The following TTI2 variants were observed in gnomAD, a reference collection of about 807,000 sequenced individuals.
TTI2 encodes TELO2-interacting protein 2.
In TTI2, 26 loss-of-function variants were observed where a neutral mutation model predicts 44.9. The ratio of observed to expected loss-of-function variants is 0.58; its 90% CI spans 0.42 to 0.80. The LOEUF (loss-of-function observed/expected upper bound fraction) is 0.80, where lower values mean the gene tolerates loss of function less well. Among genes scored for constraint, TTI2 ranks in the 30% least tolerant of loss-of-function variants. TTI2 has a pLI of 0.00. For synonymous variants in TTI2, 254 were observed against 250.9 expected, an observed-to-expected ratio of 1.01 and a Z score of -0.12; for missense variants, 582 against 611.6, an observed-to-expected ratio of 0.95 and a Z score of 0.51.
Position 33,504,289 on chromosome 8 carries a change from ATTTTTT to A in TTI2, c.928-360_928-355del, listed in dbSNP as rs1169577360. Among the ~76,000 whole-genome samples the A allele has an allele frequency of 2.1e-3, 152 of 72,996 alleles. 1 individual carries two copies. The highest frequency in any genetic ancestry group is 0.017 in the Middle Eastern group (1 of 60). The allele number at this position is 72,996 out of a possible 152,430, so 47.9% of individuals were successfully genotyped here. A position where few individuals can be genotyped will look rare whatever the true frequency, so the allele number is the denominator to read the frequency against. On this transcript the variant is annotated intron_variant, in intron 4 of 7. Transcript: ENST00000431156. ...ACTTAGTGATACATGATATTTACACATTTTTTTTTTTTTTTTTTTTTTTTTGTGAGA... is the reference window on the plus strand; with the variant it reads ...ACTTAGTGATACATGATATTTACACATTTTTTTTTTTTTTTTTTTGTGAGA...
At chr8:33,507,438 T>C (rs1034740103) in intron 3 of TTI2, 117 bp from the exon 4 acceptor site, 1 of 837,252 alleles carries the variant, frequency 1.2e-6, no homozygotes, top group African/African-American at 1.7e-5. Flanking sequence ...TCCCAAAATA[T>C]GCATGATTGT....
chr8:33,500,156 A>G, intron 7 of TTI2, 172 bp downstream of exon 7: 1 of 677,938 alleles, frequency 1.5e-6, no homozygotes, highest in East Asian at 2.8e-5. Flanking sequence ...TAAAAGATGA[A>G]TAAGAAAAAA....
Position 33,511,976 on chromosome 8 carries a change from T to C in TTI2, c.638A>G (p.Asp213Gly), listed in dbSNP as rs138419634. The C allele has an allele frequency of 1.1e-4, 176 of 1,614,220 alleles. No homozygotes were observed. In the Middle Eastern group the frequency reaches 2.0e-3, roughly 18 times the overall value. The change falls in exon 2 of 8, where the codon GAC becomes GGC. Residue 213 changes from aspartate to glycine, a missense_variant. Transcript: ENST00000431156. ...LSVILGLLKP[D>G]LYKESWKNNP... The stretch of plus-strand genomic sequence containing the variant: ...GGGCAGGAGTACTCACTTATACAAG[T>C]CGGGTTTGAGAAGCCCTAGTATCAC...
chr8:33,503,799 C>A lies in TTI2; in HGVS notation c.1064G>T (p.Arg355Leu). ...TGCGTAGGTCCTGCGTAAAAGAAGGCGGTGCTCTGGCTCCATGTGGGTCAG... is the reference window on the plus strand; with the variant it reads ...TGCGTAGGTCCTGCGTAAAAGAAGGAGGTGCTCTGGCTCCATGTGGGTCAG... The part of the protein sequence containing the change: ...LILTHMEPEH[R>L]LLLRRTYARN... The change falls in exon 5 of 8, where the codon CGC (arginine) becomes CTC (leucine). Residue 355 changes from arginine (R) to leucine (L), a missense_variant. Physicochemically the swap from Arg to Leu is moderately radical, Grantham distance 102 (BLOSUM62 -2). Coordinates refer to ENST00000431156, the MANE Select transcript of TTI2 (RefSeq NM_001102401.4). 1 of 1,614,018 alleles carries A rather than the reference C, an allele frequency of 6.2e-7. No individual in the cohort carries two copies.
chr8:33,499,081 C>T lies in TTI2; in HGVS notation c.*92G>A, dbSNP rs1003456118. The T allele has an allele frequency of 1.1e-5, 12 of 1,075,808 alleles. No individual in the cohort carries two copies. Among genetic ancestry groups the T allele is most frequent in the African/African-American group, 3.1e-5 (2 of 64,136 alleles). The allele number at this position is 1,075,808 out of a possible 1,614,324, so 66.6% of individuals were successfully genotyped here. A position where few individuals can be genotyped will look rare whatever the true frequency, so the allele number is the denominator to read the frequency against. On this transcript the variant is annotated 3_prime_UTR_variant, in exon 8 of 8. Coordinates refer to ENST00000431156, the MANE Select transcript of TTI2 (RefSeq NM_001102401.4). ...AAAGCAGCTTTCACTTACAAAGTTTCGTGTAAAAATATCTTTTTTTCTTAA... is the reference window on the plus strand; with the variant it reads ...AAAGCAGCTTTCACTTACAAAGTTTTGTGTAAAAATATCTTTTTTTCTTAA...
At chr8:33,500,067 G>T in intron 7 of TTI2, 1 of 338,602 alleles carries the variant, frequency 3.0e-6, no homozygotes, top group South Asian at 4.6e-5. Context: ...TAATGCTTTT[G>T]CCCATACTGT....
chr8:33,504,754 G>A (rs1442250251), intron 4 of TTI2, among the ~76,000 whole-genome samples: 4 of 152,162 alleles, frequency 2.6e-5, no homozygotes, highest in Non-Finnish European at 5.9e-5. Flanking sequence ...GATGCATGCA[G>A]GCCATGGCTT....
At chr8:33,508,087 TAAAAAAAAAAAAAAAAAAAA>T (rs58891946) in intron 3 of TTI2, among the ~76,000 whole-genome samples, 2 of 19,494 alleles carry the variant, frequency 1.0e-4, no homozygotes, top group African/African-American at 2.0e-4. Context: ...CTAGCGGTAG[TAAAAAAAAAAAAAAAAAAAA>T]AAAAAAAAAA....
At position 33,500,444 on chromosome 8, in the gene TTI2, T is replaced by G; in HGVS notation, c.1306A>C (p.Ile436Leu). The G allele has an allele frequency of 3.7e-6, 6 of 1,613,942 alleles. No individual in the cohort carries two copies. The highest frequency in any genetic ancestry group is 5.1e-6 in the Non-Finnish European group (6 of 1,179,994). Residue 436 changes from isoleucine (I) to leucine (L), a missense_variant, in exon 7 of 8, where the codon ATT (isoleucine) becomes CTT (leucine). Coordinates refer to ENST00000431156, the MANE Select transcript of TTI2 (RefSeq NM_001102401.4). ...TTTGGATCCCTTGCTACATCACAAATCAGTTTCAAGAGGGCCTTCAGTAAG... is the reference window on the plus strand; with the variant it reads ...TTTGGATCCCTTGCTACATCACAAAGCAGTTTCAAGAGGGCCTTCAGTAAG... ...VVLLKALLKL[I>L]CDVARDPNLT... is the part of the protein sequence containing the mutation.
chr8:33,507,424 G>A (rs1173811046), intron 3 of TTI2, 103 bp from the exon 4 acceptor site: 5 of 971,740 alleles, frequency 5.1e-6, no homozygotes, highest in Non-Finnish European at 8.1e-6. Flanking sequence ...TGAAGAACAT[G>A]CCATCCCAAA....
chr8:33,504,728 T>G (rs1809236022), intron 4 of TTI2, among the ~76,000 whole-genome samples: 1 of 152,206 alleles, frequency 6.6e-6, no homozygotes, highest in Admixed American at 6.5e-5. Flanking sequence ...TTGGGCTGCA[T>G]GCAAAGCCAT....
In TTI2 at chr8:33,503,995, C is replaced by G. The variant is rs1028620475; in HGVS notation, c.928-60G>C. ...CATCCATTTGCATTTACAATACTCA[C>G]TGACTTCTCTAGAACTTCATTAATC... On this transcript the variant is annotated intron_variant, in intron 4 of 7. Transcript: ENST00000431156. The G allele has an allele frequency of 7.1e-6, 11 of 1,555,254 alleles. No homozygotes were observed. In the Admixed American group the frequency reaches 1.0e-4, roughly 14 times the overall value.
intron 2 of TTI2, among the ~76,000 whole-genome samples, chr8:33,510,900 T>A (rs1423198757): frequency 2.6e-5 from 4 of 152,136 alleles, no homozygotes; most frequent in Non-Finnish European, 5.9e-5. Flanking sequence ...AATCTAAAGG[T>A]GCTTTTCACT....
intron 3 of TTI2, among the ~76,000 whole-genome samples, chr8:33,509,147 A>AT (rs1554527803): frequency 6.7e-6 from 1 of 150,232 alleles, no homozygotes; most frequent in Non-Finnish European, 1.5e-5. Context: ...AAAAAAAAAA[A>AT]AAAAGAAAGA....
intron 4 of TTI2, among the ~76,000 whole-genome samples, chr8:33,506,975 G>A (rs754948596): frequency 5.3e-5 from 8 of 152,228 alleles, no homozygotes; most frequent in South Asian, 2.1e-4. Context: ...GATTACAGGC[G>A]TGAGCCACCA....
intron 4 of TTI2, among the ~76,000 whole-genome samples, chr8:33,505,179 C>T (rs187608254): frequency 1.1e-3 from 166 of 152,136 alleles, no homozygotes; most frequent in African/African-American, 3.8e-3. Flanking sequence ...GCCAAGATCG[C>T]GCCACTGTAC....
In TTI2 at chr8:33,509,864, G is replaced by A; in HGVS notation, c.716C>T (p.Pro239Leu). ...FSWTLQQVTR[P>L]WLSQHLERVL... ...CCTTTCCAGATGCTGGCTCAGCCAG[G>A]GCCGAGTGACCTGTTGCAGAGTCCA... The change falls in exon 3 of 8, where the codon CCC becomes CTC. Residue 239 changes from proline (P) to leucine (L), a missense_variant. Pro to Leu is a moderately conservative substitution (Grantham distance 98, BLOSUM62 -3). Coordinates refer to ENST00000431156, the MANE Select transcript of TTI2 (RefSeq NM_001102401.4). 6.2e-7 allele frequency: 1 copy of A among 1,613,880 alleles called. No homozygotes were observed. Among genetic ancestry groups the A allele is most frequent in the East Asian group, 2.2e-5 (1 of 44,860 alleles).
rs763542420 is a variant in TTI2, at chr8:33,503,815, T to G, written c.1048A>C (p.Met350Leu). The G allele has an allele frequency of 6.2e-7, 1 of 1,614,112 alleles. No individual in the cohort carries two copies. Among genetic ancestry groups the G allele is most frequent in the Non-Finnish European group, 8.5e-7 (1 of 1,180,026 alleles). ...AAAAGAAGGCGGTGCTCTGGCTCCATGTGGGTCAGGATCAGCCGCAGGACC... is the reference window on the plus strand; with the variant it reads ...AAAAGAAGGCGGTGCTCTGGCTCCAGGTGGGTCAGGATCAGCCGCAGGACC... Reference protein sequence around the residue: ...DEVLRLILTHMEPEHRLLLRR... With the variant: ...DEVLRLILTHLEPEHRLLLRR... Residue 350 changes from methionine to leucine, a missense_variant, in exon 5 of 8, where the codon ATG becomes CTG. Met to Leu is a conservative substitution (Grantham distance 15). Coordinates refer to ENST00000431156, the MANE Select transcript of TTI2 (RefSeq NM_001102401.4).
At position 33,498,843 on chromosome 8, in the gene TTI2, T is replaced by C. The variant is rs1252765105; in HGVS notation, c.*330A>G. 3.3e-6 allele frequency: 2 copies of C among 597,764 alleles called. No individual in the cohort carries two copies. The highest frequency in any genetic ancestry group is 2.1e-5 in the South Asian group (1 of 46,948). The allele number at this position is 597,764 out of a possible 1,614,324, so 37.0% of individuals were successfully genotyped here. Reference sequence around the variant, plus strand: ...TGAACAAGAGTGTTTTTATAGCATATGTGTTGAAGTAACAGCTTGTGCCCG... The same window carrying C: ...TGAACAAGAGTGTTTTTATAGCATACGTGTTGAAGTAACAGCTTGTGCCCG... On this transcript the variant is annotated 3_prime_UTR_variant, in exon 8 of 8. Transcript: ENST00000431156.
Sources: allele counts gnomAD v4.1 joint callset (sites outside exome capture counted in the v4.1 genomes callset), GRCh38; gene constraint gnomAD v4.1.1; transcripts MANE v1.5; gene names NCBI Gene and HGNC (gene_info 2026-07-23, HGNC 2026-07-21).